Variants in CRIM1 observed in about 807,000 individuals in gnomAD.
The protein encoded by CRIM1 is cysteine-rich motor neuron 1 protein.
Under a neutral mutation model 116.4 loss-of-function variants are expected in CRIM1, and 32 were observed. The ratio of observed to expected loss-of-function variants is 0.27; its 90% CI spans 0.21 to 0.37. The LOEUF (loss-of-function observed/expected upper bound fraction) is 0.37. Among genes scored for constraint, CRIM1 ranks in the 10% least tolerant of loss-of-function variants. The pLI, the probability that CRIM1 is intolerant of heterozygous loss-of-function variation, is 1.00. For synonymous variants in CRIM1, 590 were observed against 509.2 expected (o/e 1.16, Z -2.13); for missense variants, 1,331 against 1,354.8 (o/e 0.98, Z 0.28).
intron 1 of CRIM1, among the ~76,000 whole-genome samples, chr2:36,360,834 A>C (rs1669179358): frequency 6.6e-6 from 1 of 152,172 alleles, no homozygotes; most frequent in South Asian, 2.1e-4. Context: ...GGGGGGCAAA[A>C]TATCAGCTTC....
intron 7 of CRIM1, among the ~76,000 whole-genome samples, chr2:36,495,545 A>C (rs1454507925): frequency 6.6e-6 from 1 of 150,604 alleles, no homozygotes; most frequent in East Asian, 1.9e-4. Flanking sequence ...ATTCTTTAAA[A>C]TCACCTCTTC....
intron 2 of CRIM1, among the ~76,000 whole-genome samples, chr2:36,399,996 G>A (rs1250506375): frequency 6.6e-6 from 1 of 152,210 alleles, no homozygotes; most frequent in Non-Finnish European, 1.5e-5. Flanking sequence ...CAGCACAGTT[G>A]CGTGATTTTC....
At chr2:36,521,028 T>A (rs1034288515) in intron 12 of CRIM1, among the ~76,000 whole-genome samples, 1 of 152,238 alleles carries the variant, frequency 6.6e-6, no homozygotes, top group African/African-American at 2.4e-5. Context: ...TGAAGTTGAT[T>A]AGAAGTGCTC....
rs770292729 is a variant in CRIM1 at position 36,512,321 on chromosome 2, G to T, written c.1707G>T (p.Glu569Asp). ...CDICRCKKCP[E>D]LSCSKICPLG... ...TCTGTCGCTGTAAGAAATGTCCAGA[G>T]CTCTCATGCAGTAAGATCTGCCCCT... Residue 569 changes from glutamate (E) to aspartate (D), a missense_variant, in exon 10 of 17, where the codon GAG becomes GAT. Transcript: ENST00000280527. The T allele has an allele frequency of 1.9e-6, 3 of 1,613,984 alleles. No homozygotes were observed. In the African/African-American group the frequency reaches 4.0e-5, roughly 22 times the overall value.
At chr2:36,441,207 A>G in intron 2 of CRIM1, 51 bp from the exon 3 acceptor site, 1 of 1,607,362 alleles carries the variant, frequency 6.2e-7, no homozygotes, top group South Asian at 1.1e-5. Flanking sequence ...TTCTGTTGAA[A>G]GTGCCCCACA....
intron 8 of CRIM1, among the ~76,000 whole-genome samples, chr2:36,502,458 A>C (rs1429662215): frequency 1.3e-5 from 2 of 152,178 alleles, no homozygotes; most frequent in Admixed American, 1.3e-4. Flanking sequence ...AGACCATTGC[A>C]TTTTGTATCA....
intron 5 of CRIM1, among the ~76,000 whole-genome samples, chr2:36,469,738 C>G (rs1201144471): frequency 1.3e-5 from 2 of 152,308 alleles, no homozygotes; most frequent in Non-Finnish European, 2.9e-5. Context: ...ATGTCTTCTA[C>G]TGATAGAATA....
chr2:36,521,491 A>G (rs987712422), intron 12 of CRIM1, among the ~76,000 whole-genome samples: 1 of 152,342 alleles, frequency 6.6e-6, no homozygotes, highest in East Asian at 1.9e-4. Context: ...TCTATTTTAC[A>G]TATATGACAA....
chr2:36,370,126 T>C (rs901532608), intron 1 of CRIM1, among the ~76,000 whole-genome samples: 1 of 152,186 alleles, frequency 6.6e-6, no homozygotes, highest in Admixed American at 6.5e-5. Flanking sequence ...TGCCTGTTAA[T>C]TGGGATATCT....
chr2:36,520,084 C>T (rs1477596856), intron 12 of CRIM1, among the ~76,000 whole-genome samples: 1 of 152,142 alleles, frequency 6.6e-6, no homozygotes, highest in Non-Finnish European at 1.5e-5. Flanking sequence ...TTCCAAATGA[C>T]ATTGTCGGTC....
At chr2:36,444,176 A>G (rs1392543701) in intron 4 of CRIM1, among the ~76,000 whole-genome samples, 1 of 152,202 alleles carries the variant, frequency 6.6e-6, no homozygotes, top group East Asian at 1.9e-4. Context: ...GAAAATGGAC[A>G]ATTCTCAGTT....
At chr2:36,379,903 TA>T (rs34543532) in intron 1 of CRIM1, among the ~76,000 whole-genome samples, 5,909 of 139,630 alleles carry the variant, frequency 0.042, 253 homozygotes, top group East Asian at 0.28. Flanking sequence ...ATGGTTTGGT[TA>T]AAAAAAAAAA....
intron 4 of CRIM1, among the ~76,000 whole-genome samples, chr2:36,462,335 C>G (rs1160859629): frequency 6.6e-6 from 1 of 152,186 alleles, no homozygotes; most frequent in Non-Finnish European, 1.5e-5. Flanking sequence ...GAAACTTGCA[C>G]TTGTACTCCC....
intron 15 of CRIM1, 36 bp from the exon 16 acceptor site, chr2:36,546,948 T>C: frequency 8.3e-7 from 1 of 1,211,078 alleles, no homozygotes; most frequent in Non-Finnish European, 1.2e-6. Context: ...CAATTCTGGT[T>C]TAGGTAATAA....
chr2:36,476,533 C>G (rs1411133912), intron 5 of CRIM1, among the ~76,000 whole-genome samples: 1 of 152,142 alleles, frequency 6.6e-6, no homozygotes, highest in Admixed American at 6.5e-5. Context: ...CAGGATCATT[C>G]ATTTGAGGTA....
rs186151549 is a variant in CRIM1 at position 36,374,795 on chromosome 2, A to C, written c.331+18172A>C. The stretch of plus-strand genomic sequence containing the variant: ...ATTGTGTCATCTCTTCTTACTAAGC[A>C]TCTGACCACTCACTACCTGTGCATC... On this transcript the variant is annotated intron_variant, in intron 1 of 16. Coordinates refer to ENST00000280527, the MANE Select transcript of CRIM1 (RefSeq NM_016441.3). Among the ~76,000 whole-genome samples, 4 of 152,076 alleles carry C rather than the reference A, an allele frequency of 2.6e-5. No individual in the cohort carries two copies. In the East Asian group the frequency reaches 5.8e-4, roughly 22 times the overall value.
chr2:36,457,353 AAAC>A (rs1033883374), intron 4 of CRIM1, among the ~76,000 whole-genome samples: 12 of 145,124 alleles, frequency 8.3e-5, no homozygotes, highest in Non-Finnish European at 1.8e-4. Flanking sequence ...ACAAAGCGTA[AAAC>A]AACAACAACG....
At chr2:36,407,890 T>C (rs535896940) in intron 2 of CRIM1, among the ~76,000 whole-genome samples, 1 of 152,310 alleles carries the variant, frequency 6.6e-6, no homozygotes, top group Admixed American at 6.5e-5. Context: ...AACAGCATAA[T>C]AATGTTCTAT....
At chr2:36,419,409 T>C (rs1673882325) in intron 2 of CRIM1, among the ~76,000 whole-genome samples, 1 of 152,230 alleles carries the variant, frequency 6.6e-6, no homozygotes, top group Non-Finnish European at 1.5e-5. Context: ...TATTCTAATC[T>C]CCTATTTGCA....
Sources: gnomAD v4.1 joint callset for allele counts (sites outside exome capture counted in the v4.1 genomes callset) on GRCh38, gnomAD v4.1.1 for gene constraint, MANE v1.5 for transcripts, NCBI Gene and HGNC (gene_info 2026-07-23, HGNC 2026-07-21) for gene names.